The following PRXL2A variants were observed in gnomAD, a reference collection of about 807,000 sequenced individuals.
PRXL2A encodes peroxiredoxin like 2A.
In PRXL2A, 26 loss-of-function variants were observed where a neutral mutation model predicts 25.6. The ratio of observed to expected loss-of-function variants is 1.02; its 90% CI spans 0.74 to 1.41. The LOEUF (loss-of-function observed/expected upper bound fraction) is 1.41, where lower values mean the gene tolerates loss of function less well. Among genes scored for constraint, PRXL2A ranks in the 40% most tolerant of loss-of-function variants. The pLI is 0.00. For missense variants in PRXL2A, 246 were observed against 273.9 expected, an observed-to-expected ratio of 0.90 and a Z score of 0.72; for synonymous variants, 98 against 102.9, an observed-to-expected ratio of 0.95 and a Z score of 0.29.
At chr10:80,420,695 C>G in intron 2 of PRXL2A, 50 bp downstream of exon 2, 1 of 1,334,330 alleles carries the variant, frequency 7.5e-7, no homozygotes. Flanking sequence ...AGCTGGGATA[C>G]AGGCTTACTG....
intron 4 of PRXL2A, 27 bp downstream of exon 4, chr10:80,426,033 AC>A (rs763837127): frequency 6.2e-7 from 1 of 1,613,758 alleles, no homozygotes; most frequent in East Asian, 2.2e-5. Context: ...GCTTTTAGAC[AC>A]AGACTGCTGG....
At chr10:80,419,433 C>T (rs898188710) in intron 1 of PRXL2A, among the ~76,000 whole-genome samples, 2 of 151,768 alleles carry the variant, frequency 1.3e-5, no homozygotes, top group Admixed American at 6.6e-5. Flanking sequence ...TCAGCACCCC[C>T]GAGAAGCTGG....
chr10:80,429,092 CAG>C lies in PRXL2A; in HGVS notation c.576+1597_576+1598del, dbSNP rs376046841. 1.4e-3 allele frequency among the ~76,000 whole-genome samples: 208 copies of C among 152,090 alleles called. 1 individual carries two copies. The highest frequency in any genetic ancestry group is 4.6e-3 in the African/African-American group (192 of 41,466). On this transcript the variant is annotated intron_variant, in intron 5 of 5. Coordinates refer to ENST00000606162, the MANE Select transcript of PRXL2A (RefSeq NM_032333.5). ...AATTTTTTTGTATTTTCAGTAGAGA[CAG>C]GGTTTCTACTCATGATCTGCCCGCC...
intron 5 of PRXL2A, 143 bp downstream of exon 5, chr10:80,427,639 G>T (rs965264086): frequency 1.9e-5 from 14 of 736,318 alleles, no homozygotes; most frequent in African/African-American, 7.1e-5. Flanking sequence ...ACATGAAGAA[G>T]GGAAGGGAAG....
intron 5 of PRXL2A, among the ~76,000 whole-genome samples, chr10:80,429,336 A>G (rs1215274585): frequency 1.3e-5 from 2 of 152,200 alleles, no homozygotes; most frequent in Admixed American, 6.5e-5. Flanking sequence ...GTCTTGTTCT[A>G]CGTGCTCAAG....
intron 1 of PRXL2A, chr10:80,409,084 T>C (rs1844369723): frequency 2.0e-6 from 2 of 985,016 alleles, no homozygotes; most frequent in Admixed American, 6.1e-5. Context: ...GACCTGGCAG[T>C]CCTCGTCCTC....
At chr10:80,425,501 G>A (rs941547399) in intron 3 of PRXL2A, among the ~76,000 whole-genome samples, 5 of 152,236 alleles carry the variant, frequency 3.3e-5, no homozygotes, top group Non-Finnish European at 7.3e-5. Context: ...TTTACTTCAG[G>A]GTGGACTAGC....
chr10:80,432,657 T>C lies in PRXL2A; in HGVS notation c.*558T>C, dbSNP rs1266157569. 2 of 130,136 alleles carry C rather than the reference T, an allele frequency of 1.5e-5. No individual in the cohort carries two copies. The highest frequency in any genetic ancestry group is 5.2e-5 in the African/African-American group (2 of 38,596). The allele number at this position is 130,136 out of a possible 1,614,324, so 8.1% of individuals were successfully genotyped here. ...AACTAAAAAAAAAAAAAAAAAAAAA[T>C]TGATTGCTGTGCCTCATTACAAATG... On this transcript the variant is annotated 3_prime_UTR_variant, in exon 6 of 6. Coordinates refer to ENST00000606162, the MANE Select transcript of PRXL2A (RefSeq NM_032333.5).
At chr10:80,416,958 TGA>T (rs1053730756) in intron 1 of PRXL2A, among the ~76,000 whole-genome samples, 2 of 152,182 alleles carry the variant, frequency 1.3e-5, no homozygotes, top group African/African-American at 4.8e-5. Context: ...AGCGAGTTAG[TGA>T]GAACGCCACA....
chr10:80,427,323 A>G lies in PRXL2A; in HGVS notation c.412-9A>G, dbSNP rs768170750. 1.2e-6 allele frequency: 2 copies of G among 1,613,124 alleles called. No homozygotes were observed. Among genetic ancestry groups the G allele is most frequent in the Non-Finnish European group, 1.7e-6 (2 of 1,179,414 alleles). On this transcript the variant is annotated splice_polypyrimidine_tract_variant and intron_variant, in intron 4 of 5. Coordinates refer to ENST00000606162, the MANE Select transcript of PRXL2A (RefSeq NM_032333.5). Reference sequence around the variant, plus strand: ...TACTCATATGGGATCTGTCTTTCTCACTCCATAGAAAAAGTTCTATGGTCC... The same window carrying G: ...TACTCATATGGGATCTGTCTTTCTCGCTCCATAGAAAAAGTTCTATGGTCC...
chr10:80,427,546 T>C, intron 5 of PRXL2A, 50 bp downstream of exon 5: 1 of 1,586,578 alleles, frequency 6.3e-7, no homozygotes, highest in Non-Finnish European at 8.6e-7. Context: ...TGTCTGTGAG[T>C]GTGAGACTCC....
Position 80,420,621 on chromosome 10 carries a change from A to C in PRXL2A, c.154A>C (p.Ile52Leu). ...QKAALEYLED[I>L]DLKTLEKEPR... ...AGCGGCCCTGGAGTACCTGGAGGAT[A>C]TAGACCTGAAAACACTGGAGAAGGG... is the stretch of plus-strand genomic sequence containing the variant. The change falls in exon 2 of 6, where the codon ATA (isoleucine) becomes CTA (leucine). Residue 52 changes from isoleucine (I) to leucine (L), a missense_variant. Transcript: ENST00000606162. The C allele has an allele frequency of 6.2e-7, 1 of 1,611,774 alleles. No homozygotes were observed. Among genetic ancestry groups the C allele is most frequent in the Non-Finnish European group, 8.5e-7 (1 of 1,178,580 alleles).
intron 4 of PRXL2A, 114 bp from the exon 5 acceptor site, chr10:80,427,218 C>A: frequency 1.2e-6 from 1 of 809,560 alleles, no homozygotes; most frequent in Non-Finnish European, 2.0e-6. Context: ...AGACTGGAAC[C>A]AGCAGCCTTT....
At chr10:80,415,236 G>A (rs907755966) in intron 1 of PRXL2A, among the ~76,000 whole-genome samples, 4 of 152,206 alleles carry the variant, frequency 2.6e-5, no homozygotes, top group Non-Finnish European at 5.9e-5. Flanking sequence ...CCTGAGGATG[G>A]GGTCCACTGC....
intron 1 of PRXL2A, among the ~76,000 whole-genome samples, chr10:80,419,760 G>C (rs577289809): frequency 5.6e-4 from 85 of 152,148 alleles, no homozygotes; most frequent in Non-Finnish European, 1.0e-3. Context: ...CTTTCTTATC[G>C]ACTATGGTTT....
chr10:80,420,025 C>T (rs1464598265), intron 1 of PRXL2A: 14 of 985,722 alleles, frequency 1.4e-5, no homozygotes, highest in Non-Finnish European at 1.7e-5. Context: ...GAAGAGAAAG[C>T]TGCCCCTACC....
At position 80,426,025 on chromosome 10, in the gene PRXL2A, T is replaced by C. The variant is rs767771663; in HGVS notation, c.411+19T>C. The C allele has an allele frequency of 1.1e-5, 18 of 1,613,816 alleles. No homozygotes were observed. The highest frequency in any genetic ancestry group is 3.3e-4 in the Middle Eastern group (2 of 6,070). On this transcript the variant is annotated intron_variant, in intron 4 of 5. Coordinates refer to ENST00000606162, the MANE Select transcript of PRXL2A (RefSeq NM_032333.5). Reference sequence around the variant, plus strand: ...TGAAAAGGTGTGTGTGATGGGAGGCTTTTAGACACAGACTGCTGGGGATTG... The same window carrying C: ...TGAAAAGGTGTGTGTGATGGGAGGCCTTTAGACACAGACTGCTGGGGATTG...
chr10:80,409,802 A>G (rs1336952520), intron 1 of PRXL2A, among the ~76,000 whole-genome samples: 1 of 152,242 alleles, frequency 6.6e-6, no homozygotes, highest in Non-Finnish European at 1.5e-5. Flanking sequence ...GTACCTCACA[A>G]GGCACCTCCT....
In PRXL2A at chr10:80,411,351, TC is replaced by T. The variant is rs1257780205; in HGVS notation, c.-3+2711del. Among the ~76,000 whole-genome samples, 3 of 152,212 alleles carry T rather than the reference TC, an allele frequency of 2.0e-5. No individual in the cohort carries two copies. The East Asian group carries it at 5.8e-4, about 29-fold the overall frequency. ...TGATGTTCTCTCCAGGCAGCAGATT[TC>T]CCAGGCCCTGTTTACGGGCAGTCTT... On this transcript the variant is annotated intron_variant, in intron 1 of 5. Transcript: ENST00000606162.
Sources: gnomAD v4.1 joint callset for allele counts (sites outside exome capture counted in the v4.1 genomes callset) on GRCh38, gnomAD v4.1.1 for gene constraint, MANE v1.5 for transcripts, NCBI Gene and HGNC (gene_info 2026-07-23, HGNC 2026-07-21) for gene names.